ST6GALNAC6: variants seen among roughly 807,000 people sequenced by gnomAD.
ST6GALNAC6 encodes alpha-N-acetylgalactosaminide alpha-2,6-sialyltransferase 6.
Under a neutral mutation model 34.3 loss-of-function variants are expected in ST6GALNAC6, and 19 were observed. That is an observed-to-expected ratio of 0.55 (90% CI 0.39 to 0.81). The LOEUF (loss-of-function observed/expected upper bound fraction) is 0.81, where lower values mean the gene tolerates loss of function less well. Among genes scored for constraint, ST6GALNAC6 ranks in the 40% least tolerant of loss-of-function variants. The pLI is 0.00. For synonymous variants in ST6GALNAC6, 185 were observed against 182.1 expected (o/e 1.02, Z -0.13); for missense variants, 377 against 467.7 (o/e 0.81, Z 1.79).
Position 127,896,263 on chromosome 9 carries a change from CCGGCG to C in ST6GALNAC6, c.91_95del (p.Arg31GlufsTer5). ...TTACTTTGTTGCTACTCATTTCTCT[CCGGCG>C]TCTGCTGAGGGGTAGGTGTCGGCGT... On this transcript the variant is annotated frameshift_variant, in exon 3 of 7. Transcript: ENST00000373146. LOFTEE classifies it high-confidence loss of function. 1 of 1,614,164 alleles carries C rather than the reference CCGGCG, an allele frequency of 6.2e-7. No homozygotes were observed. Among genetic ancestry groups the C allele is most frequent in the Non-Finnish European group, 8.5e-7 (1 of 1,180,004 alleles).
At chr9:127,902,964 C>CAATATATA (rs1281376795), upstream of ST6GALNAC6, 295 of 140,806 alleles carry the variant, frequency 2.1e-3, 1 homozygote, top group African/African-American at 7.2e-3. Flanking sequence ...AAACAAACTG[C>CAATATATA]AATATATAGC....
At chr9:127,899,645 G>A (rs1471837375), upstream of ST6GALNAC6, 34 of 983,442 alleles carry the variant, frequency 3.5e-5, no homozygotes, top group Non-Finnish European at 3.9e-5. Flanking sequence ...CGCCGTCACG[G>A]CCCGGCCCAG....
In ST6GALNAC6 at chr9:127,886,740, C is replaced by G; in HGVS notation, c.861G>C (p.Lys287Asn). 6.2e-7 allele frequency: 1 copy of G among 1,613,404 alleles called. No individual in the cohort carries two copies. The highest frequency in any genetic ancestry group is 8.5e-7 in the Non-Finnish European group (1 of 1,179,460). Residue 287 changes from lysine (K) to asparagine (N), a missense_variant, in exon 7 of 7, where the codon AAG (lysine) becomes AAC (asparagine). Coordinates refer to ENST00000373146, the MANE Select transcript of ST6GALNAC6 (RefSeq NM_013443.5). ...TGTAGGTGACACATTCGTCCGGCCC[C>G]TTGGGCTCGTAGTAGTGGTAGGGCA... ...QRMPYHYYEP[K>N]GPDECVTYIQ...
In ST6GALNAC6 at chr9:127,893,943, G is replaced by A. The variant is rs189324266; in HGVS notation, c.297+569C>T. ...ACCCAAGGCCAACAGAAGTCCCCAG[G>A]AATGACTTTGGCCTCTCTGTGCAGC... On this transcript the variant is annotated intron_variant, in intron 4 of 6. Coordinates refer to ENST00000373146, the MANE Select transcript of ST6GALNAC6 (RefSeq NM_013443.5). Among the ~76,000 whole-genome samples, 116 of 152,326 alleles carry A rather than the reference G, an allele frequency of 7.6e-4. 1 individual carries two copies. Among genetic ancestry groups the A allele is most frequent in the African/African-American group, 2.7e-3 (111 of 41,572 alleles).
Position 127,894,495 on chromosome 9 carries a change from C to T in ST6GALNAC6, c.297+17G>A, listed in dbSNP as rs1330308538. Reference sequence around the variant, plus strand: ...TGCTGGGCAGTAGGGAGGAGCTCCCCAAAGCAGCTGCGCTACCTTGTTGCC... The same window carrying T: ...TGCTGGGCAGTAGGGAGGAGCTCCCTAAAGCAGCTGCGCTACCTTGTTGCC... On this transcript the variant is annotated intron_variant, in intron 4 of 6. Transcript: ENST00000373146. 6.2e-7 allele frequency: 1 copy of T among 1,612,622 alleles called. No individual in the cohort carries two copies. Among genetic ancestry groups the T allele is most frequent in the Non-Finnish European group, 8.5e-7 (1 of 1,179,716 alleles).
chr9:127,893,985 G>A (rs1309873926), intron 4 of ST6GALNAC6, among the ~76,000 whole-genome samples: 1 of 152,162 alleles, frequency 6.6e-6, no homozygotes, highest in Non-Finnish European at 1.5e-5. Flanking sequence ...TTAGCAGCGG[G>A]TAGGAAAATA....
chr9:127,888,713 G>A (rs559733838), intron 5 of ST6GALNAC6, among the ~76,000 whole-genome samples: 2 of 152,274 alleles, frequency 1.3e-5, no homozygotes, highest in African/African-American at 4.8e-5. Context: ...GGCTGAGGCA[G>A]GAGAATCGCT....
chr9:127,905,937 C>G, upstream of ST6GALNAC6: 3 of 985,562 alleles, frequency 3.0e-6, no homozygotes, highest in Non-Finnish European at 3.6e-6. Flanking sequence ...GCCCTTACCT[C>G]TGCCTGACAC....
At chr9:127,891,631 GAAGA>G (rs1365302751) in intron 4 of ST6GALNAC6, among the ~76,000 whole-genome samples, 1 of 145,946 alleles carries the variant, frequency 6.9e-6, no homozygotes, top group Non-Finnish European at 1.5e-5. Context: ...AGAAAGGTAA[GAAGA>G]AAGAAAGAAA....
In ST6GALNAC6 at chr9:127,886,694, T is replaced by C. The variant is rs766740156; in HGVS notation, c.907A>G (p.Lys303Glu). 6.2e-7 allele frequency: 1 copy of C among 1,614,046 alleles called. No homozygotes were observed. Among genetic ancestry groups the C allele is most frequent in the Admixed American group, 1.7e-5 (1 of 60,006 alleles). Residue 303 changes from lysine (K) to glutamate (E), a missense_variant, in exon 7 of 7, where the codon AAG becomes GAG. By Grantham distance (56) the Lys-to-Glu change is moderately conservative. Transcript: ENST00000373146. The stretch of plus-strand genomic sequence containing the variant: ...GTGATGAAGCGGTGGTGGTTGCCCT[T>C]GCGACTGTGCTCATTCTGGATGTAG... ...VTYIQNEHSR[K>E]GNHHRFITEK...
In ST6GALNAC6 at chr9:127,890,537, C is replaced by T; in HGVS notation, c.704+100G>A. ...CCAGAGGACGGCGGGACTTGACTAC[C>T]CCTCAGAGCAGTGCATGCTGGGAGC... On this transcript the variant is annotated intron_variant, in intron 5 of 6. Transcript: ENST00000373146. This position sits in a 1 kb window ranked among gnomAD's most constrained non-coding sequence, Gnocchi z 4.3. 1.3e-6 allele frequency: 2 copies of T among 1,531,364 alleles called. No individual in the cohort carries two copies. The allele number at this position is 1,531,364 out of a possible 1,614,324, so 94.9% of individuals were successfully genotyped here.
chr9:127,887,681 C>T (rs1205044894), intron 5 of ST6GALNAC6, 90 bp from the exon 6 acceptor site: 4 of 1,028,642 alleles, frequency 3.9e-6, no homozygotes, highest in Non-Finnish European at 5.9e-6. Flanking sequence ...TTCCCTGGAA[C>T]TCCTCCCATC....
intron 1 of ST6GALNAC6, chr9:127,904,666 C>T (rs1206974720): frequency 6.6e-6 from 1 of 152,334 alleles, no homozygotes; most frequent in South Asian, 2.1e-4. Flanking sequence ...GCCTCTCTCC[C>T]TCTAGGCTTT....
upstream of ST6GALNAC6, among the ~76,000 whole-genome samples, chr9:127,900,181 G>A (rs543019204): frequency 2.6e-5 from 4 of 152,338 alleles, no homozygotes; most frequent in African/African-American, 9.6e-5. Flanking sequence ...ACGTGATAGG[G>A]AAAAATAACT....
upstream of ST6GALNAC6, among the ~76,000 whole-genome samples, chr9:127,900,991 CAAAAAAAAAAAAA>C (rs56673204): frequency 8.2e-5 from 5 of 60,988 alleles, no homozygotes; most frequent in African/African-American, 1.4e-4. Context: ...AACTCCCTAT[CAAAAAAAAAAAAA>C]AAAAAAAAAA....
intron 5 of ST6GALNAC6, among the ~76,000 whole-genome samples, chr9:127,889,727 G>A (rs1208489030): frequency 6.6e-6 from 1 of 152,046 alleles, no homozygotes; most frequent in African/African-American, 2.4e-5. Context: ...ACAGGCATAA[G>A]CTACCGCTCC....
chr9:127,901,570 G>A (rs960514967), upstream of ST6GALNAC6, among the ~76,000 whole-genome samples: 4 of 151,876 alleles, frequency 2.6e-5, no homozygotes, highest in African/African-American at 9.7e-5. Context: ...AGCCCAGATC[G>A]TGCCACTGCA....
chr9:127,894,563 G>A lies in ST6GALNAC6; in HGVS notation c.246C>T (p.Asn82=), dbSNP rs1169364420. 3 of 1,614,194 alleles carry A rather than the reference G, an allele frequency of 1.9e-6. No individual in the cohort carries two copies. In the South Asian group the frequency reaches 3.3e-5, roughly 18 times the overall value. The change falls in exon 4 of 7, where the codon AAC becomes AAT. Residue 82 remains asparagine (N), a synonymous_variant. Transcript: ENST00000373146. ...SLRGRSRRPV[N]LKKWSITDGY... Reference sequence around the variant, plus strand: ...CGTCAGTGATGCTCCACTTCTTGAGGTTGACAGGTCGGCGGCTACGGCCCC... The same window carrying A: ...CGTCAGTGATGCTCCACTTCTTGAGATTGACAGGTCGGCGGCTACGGCCCC...
At chr9:127,906,525 T>C (rs972235113), upstream of ST6GALNAC6, among the ~76,000 whole-genome samples, 4 of 152,180 alleles carry the variant, frequency 2.6e-5, no homozygotes, top group Non-Finnish European at 5.9e-5. Context: ...TATTGCACAC[T>C]GGCCCAGCCG....
Sources: allele counts gnomAD v4.1 joint callset (sites outside exome capture counted in the v4.1 genomes callset), GRCh38; gene constraint gnomAD v4.1.1; non-coding constraint Gnocchi (gnomAD v3.1); transcripts MANE v1.5; gene names NCBI Gene and HGNC (gene_info 2026-07-23, HGNC 2026-07-21).